The following PRKG1 variants were observed in gnomAD, a reference collection of about 807,000 sequenced individuals.
PRKG1 encodes cGMP-dependent protein kinase 1.
PRKG1 carries 35 observed loss-of-function variants against 88.1 expected under a neutral mutation model. The ratio of observed to expected loss-of-function variants is 0.40; its 90% confidence interval spans 0.30 to 0.53. The LOEUF is 0.53. PRKG1 is among the 20% of genes least tolerant of loss of function. The pLI, the probability that PRKG1 is intolerant of heterozygous loss-of-function variation, is 0.59. For synonymous variants in PRKG1, 303 were observed against 292.5 expected (o/e 1.04, Z -0.37); for missense variants, 540 against 839.8 (o/e 0.64, Z 4.41).
intron 3 of PRKG1, among the ~76,000 whole-genome samples, chr10:51,699,993 T>G (rs1217170496): frequency 6.6e-6 from 1 of 152,266 alleles, no homozygotes; most frequent in East Asian, 1.9e-4. Flanking sequence ...AGGCGGCGTG[T>G]TTTTCGTTCT....
At chr10:51,518,978 CTTTATGTGAGTGA>C (rs1841665829) in intron 3 of PRKG1, among the ~76,000 whole-genome samples, 1 of 152,110 alleles carries the variant, frequency 6.6e-6, no homozygotes, top group African/African-American at 2.4e-5. Context: ...AAGTTAGAGC[CTTTATGTGAGTGA>C]TCATTTTGAA....
chr10:51,152,762 G>A (rs1443999931), intron 1 of PRKG1, among the ~76,000 whole-genome samples: 1 of 151,832 alleles, frequency 6.6e-6, no homozygotes, highest in Non-Finnish European at 1.5e-5. Flanking sequence ...ATAAACAGTA[G>A]TAATAGTATT....
intron 9 of PRKG1, among the ~76,000 whole-genome samples, chr10:52,245,231 G>A (rs186118063): frequency 2.0e-4 from 30 of 151,948 alleles, no homozygotes; most frequent in African/African-American, 5.8e-4. Flanking sequence ...AACTGTTTCT[G>A]TAGATAATTA....
intron 3 of PRKG1, among the ~76,000 whole-genome samples, chr10:51,681,001 C>T (rs1001921210): frequency 1.3e-5 from 2 of 152,156 alleles, no homozygotes; most frequent in African/African-American, 4.8e-5. Context: ...CAAGTACACA[C>T]GTACTACCAG....
intron 3 of PRKG1, among the ~76,000 whole-genome samples, chr10:51,656,975 A>T (rs1564593033): frequency 1.3e-5 from 2 of 152,124 alleles, no homozygotes; most frequent in South Asian, 4.1e-4. Context: ...AGTTACTTGA[A>T]TTCTCTGTGC....
At chr10:51,348,246 C>T (rs1300936615) in intron 2 of PRKG1, among the ~76,000 whole-genome samples, 1 of 152,166 alleles carries the variant, frequency 6.6e-6, no homozygotes, top group Admixed American at 6.5e-5. Flanking sequence ...CTCCCACACA[C>T]ACTCTCCTGC....
At chr10:51,624,955 TAAG>T (rs1839297928) in intron 3 of PRKG1, among the ~76,000 whole-genome samples, 1 of 152,110 alleles carries the variant, frequency 6.6e-6, no homozygotes, top group Non-Finnish European at 1.5e-5. Context: ...AAGTTACAGA[TAAG>T]AAGATAAGAA....
chr10:52,031,039 T>A (rs1845462704), intron 5 of PRKG1, among the ~76,000 whole-genome samples: 2 of 152,066 alleles, frequency 1.3e-5, no homozygotes, highest in African/African-American at 4.8e-5. Flanking sequence ...CTAACTCAGA[T>A]CCATTATTTA....
chr10:51,830,017 GT>G (rs1839965050), intron 4 of PRKG1, among the ~76,000 whole-genome samples: 1 of 152,082 alleles, frequency 6.6e-6, no homozygotes, highest in Non-Finnish European at 1.5e-5. Context: ...TATAGTTATG[GT>G]ACCTATCATA....
At chr10:51,047,209 C>A (rs1347886867) in intron 1 of PRKG1, among the ~76,000 whole-genome samples, 3 of 152,104 alleles carry the variant, frequency 2.0e-5, no homozygotes, top group Non-Finnish European at 4.4e-5. Context: ...AAGCCATGTG[C>A]AAAACACAAT....
intron 7 of PRKG1, among the ~76,000 whole-genome samples, chr10:52,108,085 C>G (rs1311547908): frequency 1.3e-5 from 2 of 152,092 alleles, no homozygotes; most frequent in Non-Finnish European, 2.9e-5. Context: ...ATCCTAATTT[C>G]ACAAAGAAAT....
At chr10:52,025,975 G>C (rs11000507) in intron 5 of PRKG1, among the ~76,000 whole-genome samples, 91,644 of 151,096 alleles carry the variant, frequency 0.61, 27,879 homozygotes, top group Middle Eastern at 0.66. Flanking sequence ...CAGATATATA[G>C]ACCAATGGAA....
intron 2 of PRKG1, among the ~76,000 whole-genome samples, chr10:51,159,726 C>T (rs1446381797): frequency 6.6e-5 from 10 of 152,044 alleles, no homozygotes; most frequent in Admixed American, 3.9e-4. Flanking sequence ...GTTCAGGAGG[C>T]ATAAAATGTA....
chr10:51,593,416 G>A (rs956113090), intron 3 of PRKG1, among the ~76,000 whole-genome samples: 3 of 152,104 alleles, frequency 2.0e-5, no homozygotes, highest in African/African-American at 7.2e-5. Context: ...TCCAGCAACT[G>A]GTTTACCTTA....
At chr10:52,108,782 T>C (rs2132583607) in intron 7 of PRKG1, among the ~76,000 whole-genome samples, 1 of 152,024 alleles carries the variant, frequency 6.6e-6, no homozygotes, top group East Asian at 1.9e-4. Context: ...ATACTAAAGG[T>C]GTCAAAAGTA....
intron 1 of PRKG1, among the ~76,000 whole-genome samples, chr10:51,041,175 G>T (rs1843415463): frequency 6.6e-6 from 1 of 152,082 alleles, no homozygotes; most frequent in South Asian, 2.1e-4. Context: ...TCTTCAATCA[G>T]CTTGTGGTGA....
chr10:52,110,287 G>A lies in PRKG1; in HGVS notation c.936-23553G>A, dbSNP rs190947069. 2.7e-3 allele frequency among the ~76,000 whole-genome samples: 412 copies of A among 150,728 alleles called. 2 individuals carry two copies. The highest frequency in any genetic ancestry group is 9.1e-3 in the African/African-American group (367 of 40,366). On this transcript the variant is annotated intron_variant, in intron 7 of 17. Coordinates refer to ENST00000373980, the MANE Select transcript of PRKG1 (RefSeq NM_006258.4). The stretch of plus-strand genomic sequence containing the variant: ...GGCGTGCTTGCAGTGAGCGGAGATC[G>A]CGCCACTGCACTCCAGCCTGCGTGA...
At chr10:51,281,025 G>A (rs565558099) in intron 2 of PRKG1, among the ~76,000 whole-genome samples, 1 of 152,210 alleles carries the variant, frequency 6.6e-6, no homozygotes, top group South Asian at 2.1e-4. Context: ...TGATTGTGAC[G>A]TACAGATGGG....
chr10:51,209,666 T>G (rs1838161627), intron 2 of PRKG1, among the ~76,000 whole-genome samples: 1 of 152,184 alleles, frequency 6.6e-6, no homozygotes, highest in Non-Finnish European at 1.5e-5. Context: ...GCCATTTTAC[T>G]AGGAAGAGAT....
Sources: gnomAD v4.1 joint callset for allele counts (sites outside exome capture counted in the v4.1 genomes callset) on GRCh38, gnomAD v4.1.1 for gene constraint, MANE v1.5 for transcripts, NCBI Gene and HGNC (gene_info 2026-07-23, HGNC 2026-07-21) for gene names.